Variants in MED12L observed in about 807,000 individuals in gnomAD.
MED12L encodes mediator of RNA polymerase II transcription subunit 12-like protein.
In MED12L, 60 loss-of-function variants were observed where a neutral mutation model predicts 281.3. The observed-to-expected ratio is 0.21, with a 90% CI of 0.17 to 0.26. The LOEUF is 0.26. Ranked by LOEUF, MED12L falls within the 10% of genes least tolerant of loss-of-function variation. The pLI is 1.00. For missense variants in MED12L, 2,146 were observed against 2,680.9 expected, an observed-to-expected ratio of 0.80 and a Z score of 4.41; for synonymous variants, 974 against 987.2, an observed-to-expected ratio of 0.99 and a Z score of 0.25.
chr3:151,234,479 A>G (rs984271244), intron 16 of MED12L, among the ~76,000 whole-genome samples: 3 of 152,242 alleles, frequency 2.0e-5, no homozygotes, highest in Admixed American at 1.3e-4. Context: ...ATTTGTTTTT[A>G]CTAGCTTGTC....
intron 13 of MED12L, among the ~76,000 whole-genome samples, chr3:151,189,941 GC>G (rs1464173190): frequency 6.6e-6 from 1 of 152,114 alleles, no homozygotes; most frequent in African/African-American, 2.4e-5. Context: ...CGTGGATCCT[GC>G]TTACATTTTT....
intron 6 of MED12L, among the ~76,000 whole-genome samples, chr3:151,156,756 G>T (rs1018521375): frequency 6.6e-6 from 1 of 152,144 alleles, no homozygotes; most frequent in Non-Finnish European, 1.5e-5. Context: ...CAGAGCTGAG[G>T]GGAGGGGTAA....
At chr3:151,243,966 A>C (rs369004563) in intron 16 of MED12L, among the ~76,000 whole-genome samples, 19 of 145,968 alleles carry the variant, frequency 1.3e-4, no homozygotes, top group East Asian at 6.1e-4. Flanking sequence ...GGGTTGCAAT[A>C]CTAGTCTCTG....
At chr3:151,092,582 A>G (rs73012983) in intron 2 of MED12L, among the ~76,000 whole-genome samples, 2,984 of 152,346 alleles carry the variant, frequency 0.02, 105 homozygotes, top group African/African-American at 0.068. Context: ...TCTTGTTAGC[A>G]TCGAAAACTC....
chr3:151,126,981 T>C (rs1042697291), intron 4 of MED12L, among the ~76,000 whole-genome samples: 1 of 152,188 alleles, frequency 6.6e-6, no homozygotes, highest in African/African-American at 2.4e-5. Flanking sequence ...GCCCTCAGTC[T>C]CATTGCTCTC....
At chr3:151,116,894 G>A (rs1313479861) in intron 3 of MED12L, among the ~76,000 whole-genome samples, 4 of 152,104 alleles carry the variant, frequency 2.6e-5, no homozygotes, top group Non-Finnish European at 2.9e-5. Context: ...CGCTTGGTCC[G>A]GGTGGTGTCT....
intron 16 of MED12L, among the ~76,000 whole-genome samples, chr3:151,345,219 G>A (rs1752378232): frequency 6.6e-6 from 1 of 152,178 alleles, no homozygotes; most frequent in East Asian, 1.9e-4. Flanking sequence ...GCAGCAGGTG[G>A]ACTAGGATAA....
intron 16 of MED12L, among the ~76,000 whole-genome samples, chr3:151,222,941 T>C (rs1729673542): frequency 6.6e-6 from 1 of 152,184 alleles, no homozygotes; most frequent in African/African-American, 2.4e-5. Flanking sequence ...TTCCCATCTT[T>C]ATGGTCTCTT....
At chr3:151,295,215 TAGG>T (rs1559994942) in intron 16 of MED12L, 9 of 1,595,500 alleles carry the variant, frequency 5.6e-6, no homozygotes, top group African/African-American at 2.7e-5. Context: ...TCGTTATCTG[TAGG>T]AGAAGTGGGG....
intron 16 of MED12L, among the ~76,000 whole-genome samples, chr3:151,210,501 G>A (rs764116816): frequency 6.6e-6 from 1 of 152,162 alleles, no homozygotes; most frequent in African/African-American, 2.4e-5. Context: ...TCTATGATCT[G>A]TTTCTTTATT....
chr3:151,402,648 T>A (rs1014014405), intron 39 of MED12L, among the ~76,000 whole-genome samples: 2 of 152,226 alleles, frequency 1.3e-5, no homozygotes, highest in African/African-American at 4.8e-5. Flanking sequence ...TTTTGGTGTC[T>A]GATATCTCCT....
At chr3:151,342,744 T>C (rs1257192684) in intron 16 of MED12L, among the ~76,000 whole-genome samples, 3 of 152,242 alleles carry the variant, frequency 2.0e-5, no homozygotes. Flanking sequence ...GTATTGTTAT[T>C]TTTAAATATG....
chr3:151,167,977 A>G (rs1363534045), intron 11 of MED12L, among the ~76,000 whole-genome samples: 1 of 152,154 alleles, frequency 6.6e-6, no homozygotes, highest in Non-Finnish European at 1.5e-5. Flanking sequence ...GATTATCATA[A>G]CCACCTTAGT....
In MED12L at chr3:151,190,785, C is replaced by T. The variant is rs767172781; in HGVS notation, c.1822C>T (p.Arg608Cys). The T allele has an allele frequency of 3.7e-6, 6 of 1,614,054 alleles. No homozygotes were observed. In the African/African-American group the frequency reaches 4.0e-5, roughly 11 times the overall value. Residue 608 changes from arginine to cysteine, a missense_variant, in exon 14 of 45, where the codon CGC becomes TGC. Coordinates refer to ENST00000687756, the MANE Select transcript of MED12L (RefSeq NM_001393769.1). ...NLVLLFCEFI[R>C]HDVFSHDAYM... ...GGTGCTGCTCTTCTGCGAGTTCATC[C>T]GCCATGATGTCTTCTCCCATGACGC...
intron 32 of MED12L, among the ~76,000 whole-genome samples, chr3:151,380,555 C>T (rs1273712380): frequency 1.3e-5 from 2 of 150,696 alleles, no homozygotes; most frequent in South Asian, 2.1e-4. Context: ...TGAGATCGCG[C>T]CATTGCACAC....
intron 2 of MED12L, among the ~76,000 whole-genome samples, chr3:151,105,938 G>A (rs931676192): frequency 6.6e-5 from 10 of 152,160 alleles, no homozygotes; most frequent in African/African-American, 2.2e-4. Flanking sequence ...CTAGGACATC[G>A]TTGACAACCT....
At chr3:151,405,083 T>C (rs1364018778) in intron 39 of MED12L, among the ~76,000 whole-genome samples, 2 of 152,322 alleles carry the variant, frequency 1.3e-5, no homozygotes, top group East Asian at 1.9e-4. Flanking sequence ...AATTAAAAAA[T>C]ACAGCAGTAA....
At chr3:151,221,728 G>C (rs1729403611) in intron 16 of MED12L, among the ~76,000 whole-genome samples, 1 of 152,228 alleles carries the variant, frequency 6.6e-6, no homozygotes, top group Non-Finnish European at 1.5e-5. Context: ...TGGATGTCCA[G>C]GCAGAAGTTT....
chr3:151,340,133 T>C (rs895760974), intron 16 of MED12L, among the ~76,000 whole-genome samples: 14 of 152,156 alleles, frequency 9.2e-5, no homozygotes, highest in Non-Finnish European at 1.6e-4. Flanking sequence ...TTTAAAATAA[T>C]GCTAAACAAA....
Sources: gnomAD v4.1 joint callset for allele counts (sites outside exome capture counted in the v4.1 genomes callset) on GRCh38, gnomAD v4.1.1 for gene constraint, MANE v1.5 for transcripts, NCBI Gene and HGNC (gene_info 2026-07-23, HGNC 2026-07-21) for gene names.